Variants in FRMPD1 observed in about 807,000 individuals in gnomAD.
FRMPD1 encodes FERM and PDZ domain-containing protein 1.
In FRMPD1, 76 loss-of-function variants were observed where a neutral mutation model predicts 117.8. That is an observed-to-expected ratio of 0.65 (90% CI 0.54 to 0.78). FRMPD1 has a LOEUF of 0.78. Among genes scored for constraint, FRMPD1 ranks in the 30% least tolerant of loss-of-function variants. The pLI, the probability that FRMPD1 is intolerant of heterozygous loss-of-function variation, is 0.00. For missense variants in FRMPD1, 1,786 were observed against 1,964.5 expected (o/e 0.91, Z 1.72); for synonymous variants, 783 against 770.4 (o/e 1.02, Z -0.27).
the FRMPD1 span, among the ~76,000 whole-genome samples, chr9:37,639,477 T>G: frequency 1.7e-4 from 26 of 152,204 alleles, no homozygotes; most frequent in African/African-American, 6.3e-4. Flanking sequence ...TTTCTGTACC[T>G]CTGATGATAA....
At chr9:37,609,048 T>C in the FRMPD1 span, among the ~76,000 whole-genome samples, 2 of 152,142 alleles carry the variant, frequency 1.3e-5, no homozygotes, top group African/African-American at 2.4e-5. Flanking sequence ...CCCAGCACTT[T>C]GGGAGGCTGA....
At chr9:37,638,364 C>T in the FRMPD1 span, among the ~76,000 whole-genome samples, 2 of 152,048 alleles carry the variant, frequency 1.3e-5, no homozygotes, top group South Asian at 2.1e-4. Context: ...TGAGCCACTG[C>T]GTCTGGCCTG....
At chr9:37,646,971 G>A (rs940422195), upstream of FRMPD1, among the ~76,000 whole-genome samples, 9 of 152,070 alleles carry the variant, frequency 5.9e-5, no homozygotes, top group Non-Finnish European at 1.5e-5. Context: ...TGGTACTTAT[G>A]GGAAATAAAT....
chr9:37,706,967 C>T (rs1464914165), intron 2 of FRMPD1, among the ~76,000 whole-genome samples: 2 of 151,782 alleles, frequency 1.3e-5, no homozygotes, highest in African/African-American at 4.8e-5. Context: ...TCCATCCATC[C>T]ATCCATCCAT....
At chr9:37,730,899 C>A in intron 8 of FRMPD1, 85 bp from the exon 9 acceptor site, 1 of 1,355,834 alleles carries the variant, frequency 7.4e-7, no homozygotes, top group South Asian at 1.2e-5. Flanking sequence ...CTTTCACTGT[C>A]TGTGTTTTAT....
chr9:37,618,025 C>T, the FRMPD1 span, among the ~76,000 whole-genome samples: 11 of 152,266 alleles, frequency 7.2e-5, no homozygotes, highest in African/African-American at 2.6e-4. Context: ...CCCCAGCTGA[C>T]TCCAGAAAGG....
chr9:37,626,847 T>C, the FRMPD1 span, among the ~76,000 whole-genome samples: 1 of 151,984 alleles, frequency 6.6e-6, no homozygotes. Flanking sequence ...TGAATCATTA[T>C]CTTTGGGGTG....
chr9:37,738,150 G>GT (rs754263841), intron 14 of FRMPD1, among the ~76,000 whole-genome samples: 2 of 152,200 alleles, frequency 1.3e-5, no homozygotes, highest in African/African-American at 4.8e-5. Context: ...CTCACGATGG[G>GT]TAATTTCAGG....
In FRMPD1 at chr9:37,665,145, T is replaced by C. The variant is rs181411101; in HGVS notation, c.-5+14051T>C. Among the ~76,000 whole-genome samples, 136 of 152,348 alleles carry C rather than the reference T, an allele frequency of 8.9e-4. 2 individuals carry two copies. Among genetic ancestry groups the C allele is most frequent in the Admixed American group, 2.0e-3 (31 of 15,300 alleles). ...GACACAGGGAAATGTTTACAGTGTA[T>C]ATTTTTCAGTTTAGAAACCAGCATA... On this transcript the variant is annotated intron_variant, in intron 1 of 15. Coordinates refer to ENST00000377765, the MANE Select transcript of FRMPD1 (RefSeq NM_014907.3).
At chr9:37,715,060 G>A (rs1823062769) in intron 5 of FRMPD1, among the ~76,000 whole-genome samples, 2 of 152,084 alleles carry the variant, frequency 1.3e-5, no homozygotes, top group African/African-American at 2.4e-5. Context: ...AAATTGATTA[G>A]GAATGATAAA....
At chr9:37,702,085 A>G (rs1822553415) in intron 2 of FRMPD1, among the ~76,000 whole-genome samples, 2 of 152,346 alleles carry the variant, frequency 1.3e-5, no homozygotes, top group Admixed American at 6.5e-5. Flanking sequence ...GGCAATAGCC[A>G]TAGGGTTGAG....
intron 5 of FRMPD1, chr9:37,715,561 T>C (rs1291905487): frequency 6.7e-6 from 3 of 446,524 alleles, no homozygotes; most frequent in Non-Finnish European, 1.3e-5. Flanking sequence ...TTTTATCAGC[T>C]GAGGTCTGCT....
At chr9:37,684,825 C>T (rs1821863981) in intron 1 of FRMPD1, among the ~76,000 whole-genome samples, 2 of 152,148 alleles carry the variant, frequency 1.3e-5, no homozygotes, top group Admixed American at 1.3e-4. Flanking sequence ...ATGGTCATGG[C>T]TCACTGCAGC....
chr9:37,660,037 G>A (rs1820955251), intron 1 of FRMPD1, among the ~76,000 whole-genome samples: 3 of 151,898 alleles, frequency 2.0e-5, no homozygotes, highest in African/African-American at 7.3e-5. Context: ...TGGACACTGA[G>A]CAGCTCCAGA....
At chr9:37,667,918 A>G (rs1331691894) in intron 1 of FRMPD1, 1 of 152,230 alleles carries the variant, frequency 6.6e-6, no homozygotes, top group East Asian at 1.9e-4. Context: ...CCATCTGTTA[A>G]GGGGGGATAA....
At chr9:37,648,338 C>G (rs953925776), upstream of FRMPD1, among the ~76,000 whole-genome samples, 1 of 151,916 alleles carries the variant, frequency 6.6e-6, no homozygotes, top group African/African-American at 2.4e-5. Flanking sequence ...GTTTGGTGTG[C>G]AGGTGTGGGG....
chr9:37,680,483 A>G (rs1821689253), intron 1 of FRMPD1, among the ~76,000 whole-genome samples: 1 of 152,200 alleles, frequency 6.6e-6, no homozygotes, highest in African/African-American at 2.4e-5. Context: ...TGTATTATAG[A>G]ATCTGTTTTA....
In FRMPD1 at chr9:37,740,701, A is replaced by C. The variant is rs1824361058; in HGVS notation, c.2173A>C (p.Ser725Arg). 2.5e-6 allele frequency: 4 copies of C among 1,614,108 alleles called. No homozygotes were observed. Among genetic ancestry groups the C allele is most frequent in the African/African-American group, 2.7e-5 (2 of 75,046 alleles). The change falls in exon 15 of 16, where the codon AGT becomes CGT. Residue 725 changes from serine to arginine, a missense_variant. Physicochemically the swap from Ser to Arg is moderately radical, Grantham distance 110. Transcript: ENST00000377765. The surrounding 1 kb of genome is among the most constrained non-coding windows in gnomAD (Gnocchi z 4.2). ...CAGCTACCTGAGTGACAGTTCCGAG[A>C]GTACAGCTTCCCGGCAAGGGGGAGC... is the stretch of plus-strand genomic sequence containing the variant. Reference protein sequence around the residue: ...PASYLSDSSESTASRQGGAPP... With the variant: ...PASYLSDSSERTASRQGGAPP...
intron 1 of FRMPD1, among the ~76,000 whole-genome samples, chr9:37,692,121 T>A (rs990285217): frequency 3.9e-5 from 6 of 152,246 alleles, no homozygotes; most frequent in African/African-American, 1.4e-4. Context: ...ATCTTTTTTA[T>A]AAGCTAGTGT....
Sources: gnomAD v4.1 joint callset for allele counts (sites outside exome capture counted in the v4.1 genomes callset) on GRCh38, gnomAD v4.1.1 for gene constraint, Gnocchi (gnomAD v3.1) non-coding constraint, MANE v1.5 for transcripts, NCBI Gene and HGNC (gene_info 2026-07-23, HGNC 2026-07-21) for gene names.